The following PTPRN variants were observed in gnomAD, a reference collection of about 807,000 sequenced individuals.
PTPRN encodes receptor-type tyrosine-protein phosphatase-like N.
In PTPRN, 70 loss-of-function variants were observed where a neutral mutation model predicts 108.5. The observed-to-expected ratio is 0.65, with a 90% CI of 0.53 to 0.79. PTPRN has a LOEUF of 0.79. Among genes scored for constraint, PTPRN ranks in the 30% least tolerant of loss-of-function variants. The pLI is 0.00. For synonymous variants in PTPRN, 496 were observed against 524.6 expected (o/e 0.95, Z 0.75); for missense variants, 1,136 against 1,295.5 (o/e 0.88, Z 1.89).
At chr2:219,308,788 T>C (rs2125099797) in intron 1 of PTPRN, 2 of 1,247,752 alleles carry the variant, frequency 1.6e-6, no homozygotes, top group East Asian at 5.6e-5. Flanking sequence ...GCTGGGACTC[T>C]ATGTCTGCGG....
chr2:219,292,157 C>T (rs899890933), intron 19 of PTPRN: 1 of 155,320 alleles, frequency 6.4e-6, no homozygotes, highest in Non-Finnish European at 1.4e-5. Flanking sequence ...GGAGGACAAC[C>T]CCAACCCCTC....
At chr2:219,292,828 CAT>C (rs1301203474) in intron 19 of PTPRN, 12 of 152,202 alleles carry the variant, frequency 7.9e-5, no homozygotes, top group Non-Finnish European at 1.6e-4. Flanking sequence ...TTAGATCAGC[CAT>C]TGCAATAGAT....
intron 1 of PTPRN, 46 bp from the exon 2 acceptor site, chr2:219,307,888 G>A: frequency 6.3e-7 from 1 of 1,581,826 alleles, no homozygotes; most frequent in Non-Finnish European, 8.7e-7. Context: ...CACTCACAGA[G>A]AATGGGCAGA....
At chr2:219,294,741 G>C (rs1455242670) in intron 19 of PTPRN, among the ~76,000 whole-genome samples, 1 of 152,000 alleles carries the variant, frequency 6.6e-6, no homozygotes, top group Non-Finnish European at 1.5e-5. Context: ...GGAGGGAGCA[G>C]AGCAGCAGCG....
intron 19 of PTPRN, chr2:219,291,916 C>G (rs1228398181): frequency 3.9e-6 from 1 of 253,694 alleles, no homozygotes; most frequent in African/African-American, 2.3e-5. Flanking sequence ...TACATGGTAG[C>G]AGGTGGCAAC....
Position 219,298,923 on chromosome 2 carries a change from G to A in PTPRN, c.1668+124C>T, listed in dbSNP as rs376074080. 1.8e-3 allele frequency: 2,069 copies of A among 1,168,542 alleles called. 45 individuals are homozygous for A. The South Asian group carries it at 0.024, about 14-fold the overall frequency. The allele number at this position is 1,168,542 out of a possible 1,614,324, so 72.4% of individuals were successfully genotyped here. On this transcript the variant is annotated intron_variant, in intron 12 of 22. Coordinates refer to ENST00000295718, the MANE Select transcript of PTPRN (RefSeq NM_002846.4). ...GGGAGGGGCTGCTTGGGCGAAGGCC[G>A]CCTCCAGCCAGCCGTGCCTACGGAC...
Position 219,290,296 on chromosome 2 carries a change from T to C in PTPRN, c.2870A>G (p.Asp957Gly). 1 of 1,610,216 alleles carries C rather than the reference T, an allele frequency of 6.2e-7. No individual in the cohort carries two copies. Among genetic ancestry groups the C allele is most frequent in the Admixed American group, 1.7e-5 (1 of 59,840 alleles). ...DQRPGLVRSK[D>G]QFEFALTAVA... ...GGCTGTCAGGGCAAATTCAAACTGG[T>C]CCTGAGGAAGGGCAGTGGTAGGATG... is the stretch of plus-strand genomic sequence containing the variant. Residue 957 changes from aspartate to glycine, a missense_variant and splice_region_variant, in exon 23 of 23, where the codon GAC becomes GGC. Physicochemically the swap from Asp to Gly is moderately conservative, Grantham distance 94. Transcript: ENST00000295718. The surrounding 1 kb of genome is among the most constrained non-coding windows in gnomAD (Gnocchi z 4.2).
Position 219,302,412 on chromosome 2 carries a change from G to T in PTPRN, c.719C>A (p.Ala240Asp). 2.5e-6 allele frequency: 4 copies of T among 1,614,170 alleles called. No homozygotes were observed. The highest frequency in any genetic ancestry group is 3.4e-6 in the Non-Finnish European group (4 of 1,179,998). The change falls in exon 6 of 23, where the codon GCC becomes GAC. Residue 240 changes from alanine to aspartate, a missense_variant. Coordinates refer to ENST00000295718, the MANE Select transcript of PTPRN (RefSeq NM_002846.4). Reference sequence around the variant, plus strand: ...GGCAGTTCTGCTGAAGAGGGCAGGGGCTTCAGCCTTGGGCAGGGGGCCGAC... The same window carrying T: ...GGCAGTTCTGCTGAAGAGGGCAGGGTCTTCAGCCTTGGGCAGGGGGCCGAC... The part of the protein sequence containing the change: ...VSVGPLPKAE[A>D]PALFSRTASK...
At chr2:219,301,864 A>G in intron 6 of PTPRN, 145 bp from the exon 7 acceptor site, 1 of 1,153,558 alleles carries the variant, frequency 8.7e-7, no homozygotes, top group Non-Finnish European at 1.2e-6. Flanking sequence ...TCCCTTTCCC[A>G]GCCCTTGTCC....
intron 12 of PTPRN, among the ~76,000 whole-genome samples, chr2:219,298,375 G>A (rs1056978515): frequency 2.0e-5 from 3 of 152,190 alleles, no homozygotes; most frequent in East Asian, 1.9e-4. Context: ...ATTGTAGAAC[G>A]TGAGGCATCA....
At chr2:219,300,360 A>C (rs17847400) in intron 8 of PTPRN, 101 bp from the exon 9 acceptor site, 32,547 of 1,299,368 alleles carry the variant, frequency 0.025, 984 homozygotes, top group African/African-American at 0.12. Flanking sequence ...CCTGCTTTTC[A>C]CTTTCTACCC....
rs1952185891 is a variant in PTPRN at position 219,296,033 on chromosome 2, T to C, written c.2508+193A>G. ...ATGTTCTGTAAACAGGACACACACA[T>C]GTATATATGTGAATATATGGGTATG... On this transcript the variant is annotated intron_variant, in intron 18 of 22. Transcript: ENST00000295718. This position sits in a 1 kb window ranked among gnomAD's most constrained non-coding sequence, Gnocchi z 6.0. 1 of 700,330 alleles carries C rather than the reference T, an allele frequency of 1.4e-6. No individual in the cohort carries two copies. Among genetic ancestry groups the C allele is most frequent in the Non-Finnish European group, 2.3e-6 (1 of 430,120 alleles). The allele number at this position is 700,330 out of a possible 1,614,324, so 43.4% of individuals were successfully genotyped here. A position where few individuals can be genotyped will look rare whatever the true frequency, so the allele number is the denominator to read the frequency against.
chr2:219,292,646 T>G (rs1261321741), intron 19 of PTPRN: 1 of 152,300 alleles, frequency 6.6e-6, no homozygotes, highest in African/African-American at 2.4e-5. Flanking sequence ...GCCCTTGCTA[T>G]GTATCAGGCA....
intron 18 of PTPRN, 104 bp from the exon 19 acceptor site, chr2:219,295,245 C>T: frequency 7.7e-7 from 1 of 1,304,916 alleles, no homozygotes; most frequent in Non-Finnish European, 1.1e-6. Context: ...ACCGCCCGGC[C>T]TCCCAGGCCG....
Position 219,297,087 on chromosome 2 carries a change from C to T in PTPRN, c.2134G>A (p.Glu712Lys), listed in dbSNP as rs1180844491. ...HLRNRDRLAKEWQALCAYQAE... is the reference protein window; with the variant it reads ...HLRNRDRLAKKWQALCAYQAE... ...TGGTAGGCACAGAGGGCCTGCCACTCCTTGGCAAGGCGGTCCCGGTTCCGC... is the reference window on the plus strand; with the variant it reads ...TGGTAGGCACAGAGGGCCTGCCACTTCTTGGCAAGGCGGTCCCGGTTCCGC... Residue 712 changes from glutamate (E) to lysine (K), a missense_variant, in exon 15 of 23, where the codon GAG (glutamate) becomes AAG (lysine). Transcript: ENST00000295718. This position sits in a 1 kb window ranked among gnomAD's most constrained non-coding sequence, Gnocchi z 6.0. 1.9e-6 allele frequency: 3 copies of T among 1,614,052 alleles called. No homozygotes were observed. Among genetic ancestry groups the T allele is most frequent in the Non-Finnish European group, 2.5e-6 (3 of 1,180,044 alleles).
chr2:219,309,176 T>TCCCCC, intron 1 of PTPRN, 42 bp downstream of exon 1: 4 of 1,364,334 alleles, frequency 2.9e-6, no homozygotes, highest in Non-Finnish European at 4.0e-6. Flanking sequence ...CCCAAGCTGC[T>TCCCCC]CCCCGCCCCC....
chr2:219,300,843 G>T, intron 8 of PTPRN, 100 bp downstream of exon 8: 1 of 1,347,912 alleles, frequency 7.4e-7, no homozygotes, highest in Non-Finnish European at 1.1e-6. Flanking sequence ...ATGAGGGGTG[G>T]GAGGATACAG....
intron 1 of PTPRN, chr2:219,308,077 A>AC: frequency 1.8e-6 from 1 of 541,206 alleles, no homozygotes; most frequent in South Asian, 2.3e-5. Context: ...TGTTTGCTTA[A>AC]CTGAGTGATA....
At chr2:219,309,174 G>T (rs1257535075) in intron 1 of PTPRN, 44 bp downstream of exon 1, 3 of 1,426,674 alleles carry the variant, frequency 2.1e-6, no homozygotes, top group African/African-American at 2.9e-5. Context: ...GCCCCAAGCT[G>T]CTCCCCGCCC....
Sources: gnomAD v4.1 joint callset for allele counts (sites outside exome capture counted in the v4.1 genomes callset) on GRCh38, gnomAD v4.1.1 for gene constraint, Gnocchi (gnomAD v3.1) non-coding constraint, MANE v1.5 for transcripts, NCBI Gene and HGNC (gene_info 2026-07-23, HGNC 2026-07-21) for gene names.